CD99L2: variants seen among roughly 807,000 people sequenced by gnomAD.
CD99L2 encodes the protein CD99 antigen-like protein 2.
Under a neutral mutation model 27.3 loss-of-function variants are expected in CD99L2, and 24 were observed. The observed-to-expected ratio is 0.88, with a 90% CI of 0.64 to 1.24. The LOEUF (loss-of-function observed/expected upper bound fraction) is 1.24. Among genes scored for constraint, CD99L2 ranks in the 50% most tolerant of loss-of-function variants. CD99L2 has a pLI of 0.00. For synonymous variants in CD99L2, 97 were observed against 87.9 expected (o/e 1.10, Z -0.58); for missense variants, 255 against 221.6 (o/e 1.15, Z -0.96).
chrX:150,829,529 T>A (rs782326328), intron 2 of CD99L2: 5 of 330,464 alleles, frequency 1.5e-5, no homozygotes, highest in South Asian at 1.3e-4. Flanking sequence ...ATATAGAACT[T>A]CTAGCATCCA....
intron 2 of CD99L2, among the ~76,000 whole-genome samples, chrX:150,817,106 G>A (rs1320871883): frequency 1.0e-5 from 1 of 98,317 alleles, no homozygotes; most frequent in East Asian, 3.3e-4. Context: ...TAAATGACGA[G>A]TTAATGGGTG....
At position 150,876,440 on chromosome X, in the gene CD99L2, A is replaced by C. The variant is rs188571127; in HGVS notation, c.67+22082T>G. The stretch of plus-strand genomic sequence containing the variant: ...GCTGACATAAATTAGGAATGAGAAA[A>C]TAGTAACTACTAATACAAAACAAAT... On this transcript the variant is annotated intron_variant, in intron 1 of 10. Transcript: ENST00000370377. 3.1e-3 allele frequency among the ~76,000 whole-genome samples: 345 copies of C among 112,657 alleles called. 3 individuals carry two copies. Among genetic ancestry groups the C allele is most frequent in the African/African-American group, 0.01 (314 of 31,072 alleles).
chrX:150,801,133 C>A (rs1310834603), intron 4 of CD99L2, among the ~76,000 whole-genome samples: 1 of 111,299 alleles, frequency 9.0e-6, no homozygotes, highest in African/African-American at 3.3e-5. Flanking sequence ...GGAATTATCA[C>A]CAATTGTATA....
intron 3 of CD99L2, among the ~76,000 whole-genome samples, chrX:150,815,315 G>A (rs999350740): frequency 9.8e-5 from 11 of 111,912 alleles, no homozygotes; most frequent in Non-Finnish European, 1.9e-4. Context: ...GAGGTCATGT[G>A]GTCATGAAGC....
At position 150,862,862 on chromosome X, in the gene CD99L2, G is replaced by GAGAA. The variant is rs1229930239; in HGVS notation, c.68-31573_68-31570dup. On this transcript the variant is annotated intron_variant, in intron 1 of 10. Coordinates refer to ENST00000370377, the MANE Select transcript of CD99L2 (RefSeq NM_031462.4). ...AGAGAGAGAGAGAGAGAGACAGAGA[G>GAGAA]AGAAAGAAAGAAAGAAAAAGAAAGA... 5.2e-3 allele frequency among the ~76,000 whole-genome samples: 535 copies of GAGAA among 102,708 alleles called. 7 individuals carry two copies. The highest frequency in any genetic ancestry group is 0.015 in the Middle Eastern group (3 of 195). 89.2% of individuals were successfully genotyped at this position (102,708 alleles called of 115,157 possible). A position where few individuals can be genotyped will look rare whatever the true frequency, so the allele number is the denominator to read the frequency against.
At position 150,769,091 on chromosome X, in the gene CD99L2, G is replaced by A. The variant is rs199773498; in HGVS notation, c.732C>T (p.Ser244=). The A allele has an allele frequency of 1.3e-5, 15 of 1,161,636 alleles. No homozygotes were observed. The African/African-American group carries it at 2.6e-4, about 20-fold the overall frequency. Reference sequence around the variant, plus strand: ...GCTCTGCAGACTGCGTGTGCAACGTGGAGTATTTCACTAGGGGAAAAAGAG... The same window carrying A: ...GCTCTGCAGACTGCGTGTGCAACGTAGAGTATTTCACTAGGGGAAAAAGAG... The part of the protein sequence containing the change: ...VVCEEPQVKY[S]TLHTQSAEPP... The change falls in exon 11 of 11, where the codon TCC becomes TCT. Residue 244 remains serine (S), a synonymous_variant. Transcript: ENST00000370377.
chrX:150,823,288 G>GTATT (rs1250555793), intron 2 of CD99L2, among the ~76,000 whole-genome samples: 1 of 111,657 alleles, frequency 9.0e-6, no homozygotes, highest in Non-Finnish European at 1.9e-5. Context: ...ATTTAGTTAT[G>GTATT]TATTTATTTA....
intron 1 of CD99L2, among the ~76,000 whole-genome samples, chrX:150,858,982 G>A (rs1557421829): frequency 9.0e-6 from 1 of 111,331 alleles, no homozygotes; most frequent in Non-Finnish European, 1.9e-5. Context: ...GAAGAAGAGA[G>A]AAGACCCAAG....
intron 4 of CD99L2, among the ~76,000 whole-genome samples, chrX:150,805,175 G>A (rs896377703): frequency 9.0e-5 from 10 of 111,179 alleles, no homozygotes; most frequent in African/African-American, 2.0e-4. Flanking sequence ...GCAACAGAGC[G>A]AGACTCCGAC....
intron 7 of CD99L2, among the ~76,000 whole-genome samples, chrX:150,787,489 C>G (rs1174000460): frequency 9.0e-6 from 1 of 111,021 alleles, no homozygotes; most frequent in African/African-American, 3.3e-5. Context: ...AGAGTCCTAA[C>G]CAACCCAAAT....
At chrX:150,861,100 C>G (rs1327433426) in intron 1 of CD99L2, among the ~76,000 whole-genome samples, 5 of 98,633 alleles carry the variant, frequency 5.1e-5, no homozygotes, top group Non-Finnish European at 1.0e-4. Flanking sequence ...CGAGACCGCA[C>G]CACTGCATTC....
At chrX:150,845,137 C>G (rs181400695) in intron 1 of CD99L2, among the ~76,000 whole-genome samples, 1 of 111,691 alleles carries the variant, frequency 9.0e-6, no homozygotes, top group Non-Finnish European at 1.9e-5. Flanking sequence ...ATGTCTACAA[C>G]GGTTGTTCAC....
chrX:150,854,762 C>A (rs1215775342), intron 1 of CD99L2, among the ~76,000 whole-genome samples: 1 of 111,265 alleles, frequency 9.0e-6, no homozygotes, highest in African/African-American at 3.3e-5. Flanking sequence ...ACCCTGCCAA[C>A]ACCTTGACCT....
intron 2 of CD99L2, among the ~76,000 whole-genome samples, chrX:150,822,658 T>G (rs971864307): frequency 2.7e-5 from 3 of 112,174 alleles, no homozygotes; most frequent in Admixed American, 9.5e-5. Context: ...AAAAAATGGG[T>G]AATTATGTGA....
intron 1 of CD99L2, among the ~76,000 whole-genome samples, chrX:150,873,570 T>A (rs1263909782): frequency 1.8e-5 from 2 of 111,988 alleles, no homozygotes; most frequent in African/African-American, 6.5e-5. Flanking sequence ...GTGAATTATA[T>A]CTCAATTTTT....
chrX:150,854,901 GC>G (rs1234179802), intron 1 of CD99L2, among the ~76,000 whole-genome samples: 1 of 110,526 alleles, frequency 9.0e-6, no homozygotes, highest in Admixed American at 9.6e-5. Flanking sequence ...GCTGCCTGCT[GC>G]CCCCCCTCCC....
At chrX:150,784,213 G>C (rs1179241181) in intron 7 of CD99L2, among the ~76,000 whole-genome samples, 1 of 110,520 alleles carries the variant, frequency 9.0e-6, no homozygotes, top group Non-Finnish European at 1.9e-5. Flanking sequence ...AGAGTCTTCT[G>C]ACCAACAGGC....
intron 1 of CD99L2, among the ~76,000 whole-genome samples, chrX:150,832,968 T>C (rs191546223): frequency 5.2e-4 from 55 of 105,901 alleles, no homozygotes; most frequent in Non-Finnish European, 8.7e-4. Context: ...GGCAGGAGAA[T>C]GGCATGAACC....
chrX:150,831,321 ATC>A, intron 1 of CD99L2, 28 bp from the exon 2 acceptor site: 1 of 1,083,916 alleles, frequency 9.2e-7, no homozygotes, highest in Non-Finnish European at 1.3e-6. Context: ...AAATTAAACT[ATC>A]TTTGCATAAA....
Sources: allele counts gnomAD v4.1 joint callset (sites outside exome capture counted in the v4.1 genomes callset), GRCh38; gene constraint gnomAD v4.1.1; transcripts MANE v1.5; gene names NCBI Gene and HGNC (gene_info 2026-07-23, HGNC 2026-07-21).